The following POU5F1B variants were observed in gnomAD, a reference collection of about 807,000 sequenced individuals.
The protein encoded by POU5F1B is POU class 5 homeobox 1B, also known as POU domain, class 5, transcription factor 1B.
POU5F1B carries 24 observed loss-of-function variants against 28.1 expected under a neutral mutation model. The ratio of observed to expected loss-of-function variants is 0.85; its 90% CI spans 0.62 to 1.20. The LOEUF (loss-of-function observed/expected upper bound fraction) is 1.20. Ranked by LOEUF, POU5F1B falls within the 50% of genes most tolerant of loss-of-function variation. The pLI is 0.00. For synonymous variants in POU5F1B, 220 were observed against 193.2 expected (o/e 1.14, Z -1.15); for missense variants, 451 against 451.5 (o/e 1.00, Z 0.01).
chr8:127,416,505 C>T lies in POU5F1B; in HGVS notation c.639C>T (p.Asn213=), dbSNP rs1815142611. The T allele has an allele frequency of 1.9e-6, 3 of 1,609,144 alleles. No homozygotes were observed. In the Admixed American group the frequency reaches 5.1e-5, roughly 27 times the overall value. The stretch of plus-strand genomic sequence containing the variant: ...AGAAGTGGGTGGAGGAAGCTGACAA[C>T]AATGAAAATCTTCAGGAGATATGCA... Residue 213 remains asparagine (N), a synonymous_variant, in exon 3 of 3, where the codon AAC becomes AAT. Coordinates refer to ENST00000465342, the Ensembl canonical transcript of POU5F1B.
In POU5F1B at chr8:127,416,824, G is replaced by C. The variant is rs756479586; in HGVS notation, c.958G>C (p.Gly320Arg). Residue 320 changes from glycine to arginine, a missense_variant, in exon 3 of 3, where the codon GGT (glycine) becomes CGT (arginine). Physicochemically the swap from Gly to Arg is moderately radical, Grantham distance 125 (BLOSUM62 -2). Transcript: ENST00000465342. ...TCCTCCGGCCCCAGGGCCCCATTTT[G>C]GTACCCCAGGCTATGGGAGCCCTCA... The C allele has an allele frequency of 5.2e-5, 84 of 1,604,242 alleles. No individual in the cohort carries two copies. Among genetic ancestry groups the C allele is most frequent in the Non-Finnish European group, 6.9e-5 (81 of 1,175,276 alleles).
At chr8:127,415,253 C>A (rs77025353) in intron 2 of POU5F1B, among the ~76,000 whole-genome samples, 2,462 of 152,272 alleles carry the variant, frequency 0.016, 59 homozygotes, top group African/African-American at 0.053. Flanking sequence ...CTAATACACC[C>A]ATCCAGTGCT....
intron 1 of POU5F1B, among the ~76,000 whole-genome samples, chr8:127,414,559 G>T (rs1586474277): frequency 6.6e-6 from 1 of 152,304 alleles, no homozygotes; most frequent in Non-Finnish European, 1.5e-5. Context: ...AGAAACAAGG[G>T]TTAAGGACAT....
rs187298898 is a variant in POU5F1B at position 127,416,974 on chromosome 8, C to A, written c.*28C>A. On this transcript the variant is annotated 3_prime_UTR_variant, in exon 3 of 3. Coordinates refer to ENST00000465342, the Ensembl canonical transcript of POU5F1B. Reference sequence around the variant, plus strand: ...TGCCTGCCCTTCTAGGAATGGGGAACAGGGGAGGGGAGGAGCTAGGGAAAG... The same window carrying A: ...TGCCTGCCCTTCTAGGAATGGGGAAAAGGGGAGGGGAGGAGCTAGGGAAAG... The A allele has an allele frequency of 3.9e-3, 6,257 of 1,589,860 alleles. 20 individuals are homozygous for A. Among genetic ancestry groups the A allele is most frequent in the Non-Finnish European group, 4.2e-3 (4,950 of 1,167,098 alleles).
intron 1 of POU5F1B, among the ~76,000 whole-genome samples, chr8:127,414,689 A>G (rs1815104948): frequency 6.6e-6 from 1 of 152,230 alleles, no homozygotes; most frequent in African/African-American, 2.4e-5. Context: ...AACATGGCCT[A>G]CCAGAACCAT....
At chr8:127,416,043 G>T (rs751127201) in exon 3 of POU5F1B, 37 of 1,607,380 alleles carry the variant, frequency 2.3e-5, no homozygotes, top group Non-Finnish European at 3.1e-5. Flanking sequence ...AGGTGTGGGG[G>T]ATTCCCCCTT....
At chr8:127,416,735 A>T in exon 3 of POU5F1B, 1 of 1,609,360 alleles carries the variant, frequency 6.2e-7, no homozygotes, top group South Asian at 1.1e-5. Context: ...TCAAGCAGCG[A>T]CTATGCACAA....
intron 1 of POU5F1B, among the ~76,000 whole-genome samples, chr8:127,413,734 C>T (rs1007207196): frequency 6.6e-6 from 1 of 152,122 alleles, no homozygotes; most frequent in African/African-American, 2.4e-5. Flanking sequence ...CTTAGGCCAA[C>T]CTATTAACCT....
At chr8:127,416,396 A>G (rs1424432509) in exon 3 of POU5F1B, 1 of 1,608,084 alleles carries the variant, frequency 6.2e-7, no homozygotes, top group Non-Finnish European at 8.5e-7. Context: ...CTATTTGGGA[A>G]GGTGTTCAGC....
chr8:127,417,206 AAAAAG>A, exon 3 of POU5F1B: 1 of 295,058 alleles, frequency 3.4e-6, no homozygotes, highest in East Asian at 5.0e-5. Context: ...AAAAAAAAAA[AAAAAG>A]AAAGAAAAGA....
chr8:127,416,817 C>T, exon 3 of POU5F1B: 1 of 1,605,350 alleles, frequency 6.2e-7, no homozygotes, highest in Non-Finnish European at 8.5e-7. Context: ...CCCCAGGGCC[C>T]CATTTTGGTA....
chr8:127,416,215 G>C, exon 3 of POU5F1B: 1 of 1,613,846 alleles, frequency 6.2e-7, no homozygotes, highest in Non-Finnish European at 8.5e-7. Context: ...ACCCTGCACC[G>C]TCCCCCCTGG....
exon 3 of POU5F1B, chr8:127,417,194 T>TAAAAAAA (rs71303488): frequency 1.1e-4 from 27 of 248,344 alleles, no homozygotes; most frequent in African/African-American, 6.0e-4. Context: ...TGGGACACAG[T>TAAAAAAA]AAAAAAAAAA....
At position 127,415,854 on chromosome 8, in the gene POU5F1B, G is replaced by A. The variant is rs746230296; in HGVS notation, c.-13G>A. On this transcript the variant is annotated 5_prime_UTR_variant, in exon 3 of 3. Coordinates refer to ENST00000465342, the Ensembl canonical transcript of POU5F1B. Reference sequence around the variant, plus strand: ...TTTCACCAGGCCCCCGGCTTGGGGCGCCTTCCTTCCCCATGGCGGGACACC... The same window carrying A: ...TTTCACCAGGCCCCCGGCTTGGGGCACCTTCCTTCCCCATGGCGGGACACC... The A allele has an allele frequency of 5.4e-5, 81 of 1,510,068 alleles. 1 individual carries two copies. In the African/African-American group the frequency reaches 1.0e-3, roughly 19 times the overall value. The allele number at this position is 1,510,068 out of a possible 1,614,324, so 93.5% of individuals were successfully genotyped here.
At chr8:127,414,764 A>G (rs1455031629) in intron 1 of POU5F1B, 1 of 152,248 alleles carries the variant, frequency 6.6e-6, no homozygotes, top group Non-Finnish European at 1.5e-5. Flanking sequence ...GTGAAGGCTA[A>G]TTACCCTCCT....
At chr8:127,415,696 CT>C in exon 3 of POU5F1B, 1 of 1,111,954 alleles carries the variant, frequency 9.0e-7, no homozygotes, top group Non-Finnish European at 1.2e-6. Context: ...AAAGAGATTA[CT>C]TTTGAAGAGT....
chr8:127,414,377 C>A (rs2130624146), intron 1 of POU5F1B, among the ~76,000 whole-genome samples: 1 of 152,254 alleles, frequency 6.6e-6, no homozygotes, highest in Non-Finnish European at 1.5e-5. Flanking sequence ...CTGACTCAGA[C>A]ACATATTTGA....
chr8:127,415,299 T>A (rs1815113550), intron 2 of POU5F1B: 1 of 152,510 alleles, frequency 6.6e-6, no homozygotes, highest in South Asian at 2.1e-4. Flanking sequence ...GAATTTGCAC[T>A]ATTAAATCTT....
chr8:127,417,205 A>AAAAAG, exon 3 of POU5F1B: 1 of 314,318 alleles, frequency 3.2e-6, no homozygotes. Context: ...AAAAAAAAAA[A>AAAAAG]AAAAAGAAAG....
Sources: allele counts gnomAD v4.1 joint callset (sites outside exome capture counted in the v4.1 genomes callset), GRCh38; gene constraint gnomAD v4.1.1; transcripts MANE v1.5; gene names NCBI Gene and HGNC (gene_info 2026-07-23, HGNC 2026-07-21).